ARHGAP25: variants seen among roughly 807,000 people sequenced by gnomAD.
ARHGAP25 encodes Rho GTPase activating protein 25.
ARHGAP25 carries 34 observed loss-of-function variants against 71.0 expected under a neutral mutation model. That is an observed-to-expected ratio of 0.48 (90% confidence interval 0.36 to 0.64). The LOEUF is 0.64. Ranked by LOEUF, ARHGAP25 falls within the 30% of genes least tolerant of loss-of-function variation. The pLI is 0.00. For synonymous variants in ARHGAP25, 282 were observed against 296.5 expected, an observed-to-expected ratio of 0.95 and a Z score of 0.50; for missense variants, 706 against 805.1, an observed-to-expected ratio of 0.88 and a Z score of 1.49.
intron 2 of ARHGAP25, among the ~76,000 whole-genome samples, chr2:68,717,143 C>T (rs1674628873): frequency 2.0e-5 from 3 of 152,148 alleles, no homozygotes; most frequent in South Asian, 2.1e-4. Flanking sequence ...ATCTGTATAG[C>T]GTGTTACTGT....
At chr2:68,735,389 A>C (rs2104276464) in intron 1 of ARHGAP25, 129 bp downstream of exon 1, 1 of 984,824 alleles carries the variant, frequency 1.0e-6, no homozygotes, top group Non-Finnish European at 1.6e-6. Context: ...TTGAGGGACC[A>C]TTTGCATTTA....
intron 2 of ARHGAP25, among the ~76,000 whole-genome samples, chr2:68,715,671 T>A (rs1674592567): frequency 6.6e-6 from 1 of 152,218 alleles, no homozygotes; most frequent in Non-Finnish European, 1.5e-5. Flanking sequence ...CCTGGATGCC[T>A]GAGGAATGAA....
chr2:68,813,084 G>T (rs2280309), intron 5 of ARHGAP25, among the ~76,000 whole-genome samples: 35,024 of 152,076 alleles, frequency 0.23, 4,331 homozygotes, highest in East Asian at 0.44. Flanking sequence ...AGAGACAGAG[G>T]AACATTTATT....
intron 2 of ARHGAP25, 59 bp from the exon 3 acceptor site, chr2:68,782,174 C>G: frequency 1.3e-6 from 2 of 1,485,720 alleles, no homozygotes; most frequent in Non-Finnish European, 1.9e-6. Flanking sequence ...TTGTCCAACC[C>G]AATTTTAGTT....
intron 3 of ARHGAP25, among the ~76,000 whole-genome samples, chr2:68,783,425 T>G (rs2311412): frequency 6.6e-6 from 1 of 151,886 alleles, no homozygotes; most frequent in African/African-American, 2.4e-5. Flanking sequence ...TTTTTAAGTT[T>G]CTAGATGCTT....
At chr2:68,782,109 C>T in intron 2 of ARHGAP25, 124 bp from the exon 3 acceptor site, 1 of 819,430 alleles carries the variant, frequency 1.2e-6, no homozygotes, top group Non-Finnish European at 1.9e-6. Flanking sequence ...GGGAGGCTAG[C>T]TTCCCATGTC....
rs1310938666 is a variant in ARHGAP25 at position 68,822,759 on chromosome 2, G to T, written c.1620G>T (p.Gly540=). The T allele has an allele frequency of 6.2e-7, 1 of 1,614,194 alleles. No homozygotes were observed. Among genetic ancestry groups the T allele is most frequent in the Non-Finnish European group, 8.5e-7 (1 of 1,180,042 alleles). ...TTGCCAGTCCAAACTCTGAAACTGGGCCTGGAAAAAAGAACTCTGGAGAAG... is the reference window on the plus strand; with the variant it reads ...TTGCCAGTCCAAACTCTGAAACTGGTCCTGGAAAAAAGAACTCTGGAGAAG... The part of the protein sequence containing the change: ...DTLASPNSET[G]PGKKNSGEEE... Residue 540 remains glycine (G), a synonymous_variant, in exon 10 of 11, where the codon GGG becomes GGT. Transcript: ENST00000409202.
At chr2:68,726,202 C>T (rs995178272) in intron 2 of ARHGAP25, among the ~76,000 whole-genome samples, 4 of 152,204 alleles carry the variant, frequency 2.6e-5, no homozygotes, top group African/African-American at 9.7e-5. Context: ...ACCTAGAGCA[C>T]TGCCTGATCC....
intron 2 of ARHGAP25, among the ~76,000 whole-genome samples, chr2:68,718,473 A>C (rs1187334875): frequency 6.6e-6 from 1 of 152,168 alleles, no homozygotes; most frequent in Non-Finnish European, 1.5e-5. Context: ...AATATCCTTG[A>C]CTTAATCGCA....
At chr2:68,789,102 G>A (rs1324688369) in intron 4 of ARHGAP25, among the ~76,000 whole-genome samples, 1 of 151,418 alleles carries the variant, frequency 6.6e-6, no homozygotes, top group Non-Finnish European at 1.5e-5. Flanking sequence ...GCGTGATCTC[G>A]GCTCACTGCA....
At position 68,735,276 on chromosome 2, in the gene ARHGAP25, T is replaced by G. The variant is rs1350821708; in HGVS notation, c.61+16T>G. On this transcript the variant is annotated intron_variant, in intron 1 of 10. Coordinates refer to ENST00000409202, the MANE Select transcript of ARHGAP25 (RefSeq NM_001007231.3). The stretch of plus-strand genomic sequence containing the variant: ...GCGAAAATAGGTATGGTTGGTGTCT[T>G]TTCGTTGCCTCTGTGATTCTTACGT... The G allele has an allele frequency of 1.2e-6, 2 of 1,612,786 alleles. No homozygotes were observed. Among genetic ancestry groups the G allele is most frequent in the Admixed American group, 3.3e-5 (2 of 60,004 alleles).
upstream of ARHGAP25, among the ~76,000 whole-genome samples, chr2:68,731,917 G>GCCCA: frequency 6.6e-6 from 1 of 152,264 alleles, no homozygotes; most frequent in South Asian, 2.1e-4. Flanking sequence ...AGAGACAACA[G>GCCCA]CCGGTGTCAG....
At chr2:68,741,452 A>G (rs934441878) in intron 1 of ARHGAP25, among the ~76,000 whole-genome samples, 3 of 152,218 alleles carry the variant, frequency 2.0e-5, no homozygotes, top group Non-Finnish European at 4.4e-5. Flanking sequence ...CAGGAAGCAG[A>G]GCTAAATTTG....
chr2:68,779,836 G>A (rs187831563), intron 2 of ARHGAP25, among the ~76,000 whole-genome samples: 61 of 152,302 alleles, frequency 4.0e-4, no homozygotes, highest in Middle Eastern at 3.4e-3. Context: ...CCCTACTGGT[G>A]TCTCTTCCTC....
At chr2:68,825,492 G>T (rs933821363) in intron 10 of ARHGAP25, among the ~76,000 whole-genome samples, 1 of 152,186 alleles carries the variant, frequency 6.6e-6, no homozygotes, top group Non-Finnish European at 1.5e-5. Context: ...GGGGCTGGGT[G>T]TGGTGGTTCA....
At chr2:68,821,205 C>A (rs1018401984) in intron 9 of ARHGAP25, among the ~76,000 whole-genome samples, 15 of 146,572 alleles carry the variant, frequency 1.0e-4, no homozygotes, top group African/African-American at 3.8e-4. Context: ...GGCAATCCTT[C>A]GGCCTCGGCC....
intron 2 of ARHGAP25, among the ~76,000 whole-genome samples, chr2:68,781,891 A>G (rs1014796111): frequency 6.6e-6 from 1 of 152,198 alleles, no homozygotes; most frequent in East Asian, 1.9e-4. Context: ...CCACAGCCTC[A>G]GCATTGCCTT....
upstream of ARHGAP25, among the ~76,000 whole-genome samples, chr2:68,733,498 A>G (rs565999497): frequency 4.7e-4 from 71 of 152,272 alleles, no homozygotes; most frequent in Non-Finnish European, 8.4e-4. Flanking sequence ...GAGATTTTTT[A>G]TGGGATAAAA....
At chr2:68,714,855 A>C (rs1674573409) in intron 2 of ARHGAP25, among the ~76,000 whole-genome samples, 1 of 152,226 alleles carries the variant, frequency 6.6e-6, no homozygotes, top group African/African-American at 2.4e-5. Context: ...TGTGCACTAA[A>C]AAGTATTTTT....
Sources: gnomAD v4.1 joint callset for allele counts (sites outside exome capture counted in the v4.1 genomes callset) on GRCh38, gnomAD v4.1.1 for gene constraint, MANE v1.5 for transcripts, NCBI Gene and HGNC (gene_info 2026-07-23, HGNC 2026-07-21) for gene names.